The following IGSF11 variants were observed in gnomAD, a reference collection of about 807,000 sequenced individuals.
The protein encoded by IGSF11 is immunoglobulin superfamily member 11.
A neutral mutation model predicts 41.0 loss-of-function variants in IGSF11; 22 were observed. That is an observed-to-expected ratio of 0.54 (90% CI 0.38 to 0.77). The LOEUF (loss-of-function observed/expected upper bound fraction) is 0.77. IGSF11 is among the 30% of genes least tolerant of loss of function. The pLI is 0.00. For synonymous variants in IGSF11, 219 were observed against 201.3 expected (o/e 1.09, Z -0.74); for missense variants, 444 against 530.8 (o/e 0.84, Z 1.61).
At chr3:119,083,125 T>C (rs1047884390) in intron 1 of IGSF11, among the ~76,000 whole-genome samples, 1 of 108,194 alleles carries the variant, frequency 9.2e-6, no homozygotes, top group Admixed American at 1.0e-4. Context: ...TTTTCTTTTT[T>C]CTTTTTTTTT....
chr3:118,989,453 C>T (rs55983293), intron 1 of IGSF11, among the ~76,000 whole-genome samples: 4 of 152,030 alleles, frequency 2.6e-5, no homozygotes, highest in African/African-American at 4.8e-5. Context: ...CGCGGGTTCA[C>T]GCCATTCTCC....
chr3:119,133,489 G>A lies in IGSF11; in HGVS notation c.-14+12324C>T, dbSNP rs1201650921. 2.0e-5 allele frequency among the ~76,000 whole-genome samples: 3 copies of A among 152,108 alleles called. No homozygotes were observed. The East Asian group carries it at 5.8e-4, about 29-fold the overall frequency. ...ATCTAGAAGAAATGGATAAATTCCT[G>A]GACACATGCACCCTCTCAAGAATAA... On this transcript the variant is annotated intron_variant, in intron 1 of 7. Transcript: ENST00000425327.
Position 118,921,584 on chromosome 3 carries a change from A to G in IGSF11, c.580+4517T>C, listed in dbSNP as rs780127051. Among the ~76,000 whole-genome samples, 16 of 152,232 alleles carry G rather than the reference A, an allele frequency of 1.1e-4. No individual in the cohort carries two copies. The East Asian group carries it at 1.9e-3, about 18-fold the overall frequency. ...TTATTCATTCAGTCTTCATCCAACC[A>G]TAAGTTAGTCACGATGATTGTCTCC... On this transcript the variant is annotated intron_variant, in intron 4 of 6. Coordinates refer to ENST00000393775, the MANE Select transcript of IGSF11 (RefSeq NM_001015887.3).
chr3:119,020,353 G>A (rs1036365636), intron 1 of IGSF11, among the ~76,000 whole-genome samples: 8 of 152,072 alleles, frequency 5.3e-5, no homozygotes, highest in Non-Finnish European at 8.8e-5. Context: ...CCACTGCCTC[G>A]ATGTCATCAC....
Position 118,902,376 on chromosome 3 carries a change from A to C in IGSF11, c.*144T>G. 1.5e-6 allele frequency: 1 copy of C among 660,378 alleles called. No homozygotes were observed. Among genetic ancestry groups the C allele is most frequent in the African/African-American group, 1.8e-5 (1 of 55,338 alleles). The allele number at this position is 660,378 out of a possible 1,614,324, so 40.9% of individuals were successfully genotyped here. On this transcript the variant is annotated 3_prime_UTR_variant, in exon 7 of 7. Transcript: ENST00000393775. ...TCCATTTTACACATCTTAGTGGCCA[A>C]GTAACAGCACTGCCTTCTTCTTTGT...
intron 1 of IGSF11, among the ~76,000 whole-genome samples, chr3:119,043,197 G>C (rs570427061): frequency 5.7e-4 from 87 of 152,314 alleles, no homozygotes; most frequent in African/African-American, 1.9e-3. Context: ...TGAAAACAGA[G>C]CTCCCATAAA....
intron 1 of IGSF11, among the ~76,000 whole-genome samples, chr3:119,001,725 G>GTTCTTGTGATA (rs1936894854): frequency 1.3e-5 from 2 of 148,950 alleles, no homozygotes; most frequent in Admixed American, 1.3e-4. Flanking sequence ...TGCAGTGTTT[G>GTTCTTGTGATA]GTTTTTTGTT....
chr3:119,061,104 A>G (rs922842862), intron 1 of IGSF11, among the ~76,000 whole-genome samples: 2 of 152,218 alleles, frequency 1.3e-5, no homozygotes, highest in African/African-American at 4.8e-5. Context: ...GATACTTTTA[A>G]TTCAAATAAA....
intron 1 of IGSF11, among the ~76,000 whole-genome samples, chr3:118,942,203 C>T (rs1218454827): frequency 2.6e-5 from 4 of 152,114 alleles, no homozygotes; most frequent in Non-Finnish European, 5.9e-5. Context: ...ATGGAAATGG[C>T]TTGAAAAACA....
chr3:119,091,756 A>T (rs1189210892), intron 1 of IGSF11, among the ~76,000 whole-genome samples: 2 of 152,158 alleles, frequency 1.3e-5, no homozygotes, highest in Non-Finnish European at 2.9e-5. Context: ...TACTGTGCTC[A>T]TTACCTGGGT....
At chr3:119,039,909 C>T (rs187502709) in intron 1 of IGSF11, among the ~76,000 whole-genome samples, 1 of 152,332 alleles carries the variant, frequency 6.6e-6, no homozygotes, top group East Asian at 1.9e-4. Flanking sequence ...TGCTTCTAAC[C>T]TCCAACCTGT....
intron 1 of IGSF11, among the ~76,000 whole-genome samples, chr3:119,045,676 C>T (rs1267664835): frequency 3.9e-5 from 6 of 151,948 alleles, no homozygotes; most frequent in Non-Finnish European, 8.8e-5. Flanking sequence ...TCTGTAGGCT[C>T]CACCTCTGGG....
intron 1 of IGSF11, among the ~76,000 whole-genome samples, chr3:119,124,113 T>A (rs1462623174): frequency 6.6e-6 from 1 of 152,042 alleles, no homozygotes; most frequent in Non-Finnish European, 1.5e-5. Context: ...AAATTCAAGA[T>A]TTCTTTGAAG....
chr3:118,925,293 T>C (rs773981451), intron 4 of IGSF11, among the ~76,000 whole-genome samples: 12 of 152,150 alleles, frequency 7.9e-5, no homozygotes, highest in Non-Finnish European at 1.6e-4. Context: ...GATTCAGACT[T>C]ACAAGGCATA....
chr3:118,965,064 C>A (rs1945578494), intron 1 of IGSF11, among the ~76,000 whole-genome samples: 1 of 152,104 alleles, frequency 6.6e-6, no homozygotes, highest in Non-Finnish European at 1.5e-5. Context: ...ACAAGCAGAT[C>A]TTAGATTCAG....
chr3:119,105,094 G>A, intron 1 of IGSF11: 1 of 1,225,940 alleles, frequency 8.2e-7, no homozygotes, highest in East Asian at 2.3e-5. Flanking sequence ...GGCCATAAGA[G>A]ATAATAACCA....
At chr3:118,963,844 T>C (rs921531655) in intron 1 of IGSF11, among the ~76,000 whole-genome samples, 1 of 152,174 alleles carries the variant, frequency 6.6e-6, no homozygotes, top group African/African-American at 2.4e-5. Context: ...TATTCTCTAA[T>C]TGACATTGAC....
upstream of IGSF11, among the ~76,000 whole-genome samples, chr3:119,106,593 T>TA (rs200712118): frequency 5.6e-3 from 849 of 152,300 alleles, 5 homozygotes; most frequent in East Asian, 0.011. Flanking sequence ...CATTTTTTTT[T>TA]ATTATTATTA....
At chr3:119,047,257 A>C (rs924876283) in intron 1 of IGSF11, among the ~76,000 whole-genome samples, 1 of 152,040 alleles carries the variant, frequency 6.6e-6, no homozygotes, top group Non-Finnish European at 1.5e-5. Flanking sequence ...AACCCATCTC[A>C]TGTGCAGAGA....
Sources: allele counts gnomAD v4.1 joint callset (sites outside exome capture counted in the v4.1 genomes callset), GRCh38; gene constraint gnomAD v4.1.1; transcripts MANE v1.5; gene names NCBI Gene and HGNC (gene_info 2026-07-23, HGNC 2026-07-21).